Variants in FBXW8 observed in about 807,000 individuals in gnomAD.
FBXW8 encodes the protein F-box/WD repeat-containing protein 8.
Under a neutral mutation model 65.3 loss-of-function variants are expected in FBXW8, and 57 were observed. That is an observed-to-expected ratio of 0.87 (90% CI 0.71 to 1.09). The LOEUF (loss-of-function observed/expected upper bound fraction) is 1.09, where lower values mean the gene tolerates loss of function less well. Among genes scored for constraint, FBXW8 ranks in the 50% least tolerant of loss-of-function variants. The pLI, the probability that FBXW8 is intolerant of heterozygous loss-of-function variation, is 0.00. For synonymous variants in FBXW8, 308 were observed against 330.2 expected (o/e 0.93, Z 0.73); for missense variants, 777 against 814.8 (o/e 0.95, Z 0.57).
chr12:116,927,690 C>G (rs1281157449), intron 1 of FBXW8, among the ~76,000 whole-genome samples: 2 of 152,150 alleles, frequency 1.3e-5, no homozygotes, highest in Non-Finnish European at 2.9e-5. Flanking sequence ...AGGCTTTCCA[C>G]AGACCTTGAC....
At chr12:116,927,270 G>A (rs561089155) in intron 1 of FBXW8, among the ~76,000 whole-genome samples, 99 of 152,030 alleles carry the variant, frequency 6.5e-4, no homozygotes, top group Non-Finnish European at 1.2e-3. Context: ...AATAAAGCCC[G>A]TTACCTCATC....
At chr12:116,933,897 G>A (rs1370847798) in intron 2 of FBXW8, among the ~76,000 whole-genome samples, 1 of 152,072 alleles carries the variant, frequency 6.6e-6, no homozygotes, top group Non-Finnish European at 1.5e-5. Flanking sequence ...GCTGCTTTAT[G>A]ATTTTATTTT....
chr12:116,925,238 G>A (rs1881227505), intron 1 of FBXW8, among the ~76,000 whole-genome samples: 1 of 152,006 alleles, frequency 6.6e-6, no homozygotes, highest in Admixed American at 6.6e-5. Context: ...GGCTGCCTTA[G>A]TGGGGTGGGA....
chr12:116,974,862 A>G (rs145521304), intron 5 of FBXW8, among the ~76,000 whole-genome samples: 30 of 152,360 alleles, frequency 2.0e-4, no homozygotes, highest in African/African-American at 7.2e-4. Context: ...TACAAGATGA[A>G]TCTGGAACAT....
At chr12:116,916,513 A>G (rs1880420404) in intron 1 of FBXW8, among the ~76,000 whole-genome samples, 1 of 152,092 alleles carries the variant, frequency 6.6e-6, no homozygotes, top group East Asian at 1.9e-4. Flanking sequence ...CCCTGTAGGA[A>G]TGTGGTCCCA....
intron 4 of FBXW8, among the ~76,000 whole-genome samples, chr12:116,952,891 C>A (rs1339158123): frequency 6.6e-6 from 1 of 152,138 alleles, no homozygotes; most frequent in Non-Finnish European, 1.5e-5. Context: ...GCGTGTGCCA[C>A]CACACCCAGC....
intron 5 of FBXW8, among the ~76,000 whole-genome samples, chr12:116,976,071 T>G (rs1884909145): frequency 6.6e-6 from 1 of 152,246 alleles, no homozygotes; most frequent in Non-Finnish European, 1.5e-5. Flanking sequence ...TGGAACTCTT[T>G]GCATAATTTT....
At chr12:117,017,097 G>T (rs1165001107) in intron 8 of FBXW8, among the ~76,000 whole-genome samples, 1 of 152,200 alleles carries the variant, frequency 6.6e-6, no homozygotes, top group Non-Finnish European at 1.5e-5. Context: ...CAGGCATGTT[G>T]AATAGTGTCA....
chr12:117,021,592 T>C (rs35749640), intron 8 of FBXW8, among the ~76,000 whole-genome samples: 4,101 of 152,328 alleles, frequency 0.027, 180 homozygotes, highest in African/African-American at 0.087. Context: ...TAGAGTATTT[T>C]GCCTCTAACT....
At chr12:116,945,332 A>T in intron 2 of FBXW8, 32 bp from the exon 3 acceptor site, 1 of 1,590,358 alleles carries the variant, frequency 6.3e-7, no homozygotes, top group Non-Finnish European at 8.6e-7. Context: ...TAATTGCAGA[A>T]TTTGACATTT....
chr12:116,945,749 C>T (rs1400805456), intron 3 of FBXW8, among the ~76,000 whole-genome samples: 2 of 152,194 alleles, frequency 1.3e-5, no homozygotes, highest in Admixed American at 1.3e-4. Flanking sequence ...TCTTATTCTG[C>T]AGGAGAGGAA....
intron 4 of FBXW8, among the ~76,000 whole-genome samples, chr12:116,953,823 A>G (rs1239694992): frequency 7.2e-6 from 1 of 139,740 alleles, no homozygotes; most frequent in African/African-American, 2.7e-5. Context: ...AAAAACAAGA[A>G]AAACAAAACC....
intron 7 of FBXW8, among the ~76,000 whole-genome samples, chr12:117,007,651 G>A (rs138083262): frequency 1.3e-5 from 2 of 152,294 alleles, no homozygotes; most frequent in East Asian, 3.9e-4. Flanking sequence ...CTCTGAGAAT[G>A]AGTCAAGTGG....
chr12:117,030,587 C>T lies in FBXW8; in HGVS notation c.*2415C>T, dbSNP rs1954336597. 1 of 152,182 alleles carries T rather than the reference C, an allele frequency of 6.6e-6. No homozygotes were observed. The highest frequency in any genetic ancestry group is 1.5e-5 in the Non-Finnish European group (1 of 68,050). The allele number at this position is 152,182 out of a possible 1,614,324, so 9.4% of individuals were successfully genotyped here. On this transcript the variant is annotated 3_prime_UTR_variant, in exon 11 of 11. Coordinates refer to ENST00000652555, the MANE Select transcript of FBXW8 (RefSeq NM_153348.3). ...CGCATTCGCCCTTCCTAGTTTGCAG[C>T]AATTAAAGATAACGGAGTGTAAAGT...
chr12:116,927,236 C>G (rs139903018), intron 1 of FBXW8, among the ~76,000 whole-genome samples: 49 of 152,248 alleles, frequency 3.2e-4, no homozygotes, highest in Middle Eastern at 3.4e-3. Context: ...CTACCAGGAT[C>G]GTCAATGACA....
At position 117,027,473 on chromosome 12, in the gene FBXW8, G is replaced by A. The variant is rs755502394; in HGVS notation, c.1621G>A (p.Ala541Thr). The change falls in exon 10 of 11, where the codon GCC becomes ACC. Residue 541 changes from alanine to threonine, a missense_variant. Ala to Thr is a moderately conservative substitution (Grantham distance 58, BLOSUM62 0). Transcript: ENST00000652555. The part of the protein sequence containing the change: ...NVPYQTVMRN[A>T]DLDSFTTHRR... ...GCCTTACCAGACGGTAATGCGAAAC[G>A]CCGACCTGGACAGCTTCACTACTCA... is the stretch of plus-strand genomic sequence containing the variant. 16 of 1,613,986 alleles carry A rather than the reference G, an allele frequency of 9.9e-6. No individual in the cohort carries two copies. Among genetic ancestry groups the A allele is most frequent in the African/African-American group, 2.7e-5 (2 of 74,906 alleles).
At chr12:116,940,060 A>T (rs1882452044) in intron 2 of FBXW8, among the ~76,000 whole-genome samples, 2 of 152,166 alleles carry the variant, frequency 1.3e-5, no homozygotes, top group African/African-American at 4.8e-5. Flanking sequence ...TTGTGATCAG[A>T]TGAGAGCTTG....
At chr12:116,976,191 CAAT>C (rs1327637299) in intron 5 of FBXW8, among the ~76,000 whole-genome samples, 3 of 152,124 alleles carry the variant, frequency 2.0e-5, no homozygotes, top group Non-Finnish European at 2.9e-5. Context: ...CATTTAAAAA[CAAT>C]GTTACATGAT....
At chr12:116,923,772 G>T (rs1363175066) in intron 1 of FBXW8, among the ~76,000 whole-genome samples, 1 of 151,946 alleles carries the variant, frequency 6.6e-6, no homozygotes, top group Non-Finnish European at 1.5e-5. Context: ...CCGGGCTGGA[G>T]TGCAGTGGCG....
Sources: allele counts gnomAD v4.1 joint callset (sites outside exome capture counted in the v4.1 genomes callset), GRCh38; gene constraint gnomAD v4.1.1; transcripts MANE v1.5; gene names NCBI Gene and HGNC (gene_info 2026-07-23, HGNC 2026-07-21).